The following SIPA1L3 variants were observed in gnomAD, a reference collection of about 807,000 sequenced individuals.
SIPA1L3 encodes the protein signal induced proliferation associated 1 like 3.
A neutral mutation model predicts 150.1 loss-of-function variants in SIPA1L3; 59 were observed. That is an observed-to-expected ratio of 0.39 (90% CI 0.32 to 0.49). The LOEUF is 0.49. Ranked by LOEUF, SIPA1L3 falls within the 20% of genes least tolerant of loss-of-function variation. The probability of loss-of-function intolerance (pLI) is 0.86; values close to 1 mark genes in which losing one functional copy is unlikely to be tolerated. For synonymous variants in SIPA1L3, 1,070 were observed against 1,077.6 expected, an observed-to-expected ratio of 0.99 and a Z score of 0.14; for missense variants, 2,211 against 2,489.5, an observed-to-expected ratio of 0.89 and a Z score of 2.38.
chr19:37,963,690 G>C (rs1327997193), intron 1 of SIPA1L3, among the ~76,000 whole-genome samples: 2 of 152,172 alleles, frequency 1.3e-5, no homozygotes, highest in Non-Finnish European at 2.9e-5. Flanking sequence ...TTGATTTCTA[G>C]AATCCTCAAA....
chr19:38,018,443 C>T (rs1968290630), intron 1 of SIPA1L3, among the ~76,000 whole-genome samples: 1 of 152,180 alleles, frequency 6.6e-6, no homozygotes, highest in Admixed American at 6.5e-5. Context: ...TGAGCCACCA[C>T]ACCCAGCCAC....
rs1010450199 is a variant in SIPA1L3, at chr19:38,135,034, G to A, written c.3143+4262G>A. 7.5e-4 allele frequency among the ~76,000 whole-genome samples: 114 copies of A among 152,292 alleles called. 3 individuals carry two copies. The highest frequency in any genetic ancestry group is 2.2e-3 in the African/African-American group (91 of 41,556). ...TCTCTGCTTTGTAGACGAGAAAACC[G>A]AGGCCCAGAGTGAACAAGTCACTTT... On this transcript the variant is annotated intron_variant, in intron 10 of 21. Coordinates refer to ENST00000222345, the MANE Select transcript of SIPA1L3 (RefSeq NM_015073.3).
At chr19:37,925,426 G>T (rs2046494562) in intron 1 of SIPA1L3, among the ~76,000 whole-genome samples, 1 of 152,048 alleles carries the variant, frequency 6.6e-6, no homozygotes, top group African/African-American at 2.4e-5. Flanking sequence ...GAGGTGAGGG[G>T]CCTGGTAAGA....
intron 1 of SIPA1L3, among the ~76,000 whole-genome samples, chr19:38,000,335 G>A (rs1292973581): frequency 6.6e-6 from 1 of 151,990 alleles, no homozygotes; most frequent in Non-Finnish European, 1.5e-5. Flanking sequence ...GGGCGTGGTG[G>A]TGGGTGCCTA....
At chr19:38,101,340 C>G (rs1439526568) in intron 6 of SIPA1L3, 114 bp downstream of exon 6, 1 of 682,392 alleles carries the variant, frequency 1.5e-6, no homozygotes, top group South Asian at 2.6e-5. Context: ...TGGGAGCTCT[C>G]AGACTTCACT....
chr19:37,938,617 C>CTTTTTTTT (rs2046622907), intron 1 of SIPA1L3, among the ~76,000 whole-genome samples: 1 of 144,790 alleles, frequency 6.9e-6, no homozygotes. Flanking sequence ...TTCTTTTTTT[C>CTTTTTTTT]TTTTTTCTTT....
intron 21 of SIPA1L3, among the ~76,000 whole-genome samples, chr19:38,205,844 C>A (rs975616515): frequency 6.6e-6 from 1 of 152,212 alleles, no homozygotes; most frequent in South Asian, 2.1e-4. Context: ...CATGTGGTTG[C>A]GTTCCGGGAG....
chr19:38,061,263 T>G (rs1373845138), intron 2 of SIPA1L3, among the ~76,000 whole-genome samples: 2 of 150,598 alleles, frequency 1.3e-5, no homozygotes, highest in African/African-American at 4.9e-5. Context: ...GGGGTCTCGC[T>G]ATGTTGCCTA....
chr19:38,112,046 A>G (rs12983710), intron 8 of SIPA1L3, among the ~76,000 whole-genome samples: 6 of 147,286 alleles, frequency 4.1e-5, no homozygotes, highest in East Asian at 4.0e-4. Context: ...CCATGCGTCC[A>G]CACATGCACA....
intron 8 of SIPA1L3, among the ~76,000 whole-genome samples, chr19:38,111,312 G>A (rs1000572842): frequency 1.3e-5 from 2 of 152,140 alleles, no homozygotes; most frequent in Non-Finnish European, 2.9e-5. Flanking sequence ...GATTGTAAGT[G>A]TGAGCCACCG....
chr19:38,115,448 A>G (rs1404439612), intron 8 of SIPA1L3, among the ~76,000 whole-genome samples: 1 of 152,224 alleles, frequency 6.6e-6, no homozygotes, highest in Non-Finnish European at 1.5e-5. Flanking sequence ...GAACGGCAGA[A>G]TGGATCAGAG....
chr19:38,144,677 G>T (rs1971668107), intron 12 of SIPA1L3, among the ~76,000 whole-genome samples: 1 of 152,236 alleles, frequency 6.6e-6, no homozygotes, highest in Admixed American at 6.5e-5. Flanking sequence ...ATTCAGCAAA[G>T]GGTCTCAAGA....
At chr19:38,125,884 C>T (rs1297810235) in intron 9 of SIPA1L3, among the ~76,000 whole-genome samples, 3 of 152,320 alleles carry the variant, frequency 2.0e-5, no homozygotes, top group South Asian at 2.1e-4. Flanking sequence ...ATATTAAACA[C>T]GCAATTCGGC....
intron 12 of SIPA1L3, among the ~76,000 whole-genome samples, chr19:38,144,346 A>C (rs1176433697): frequency 6.6e-6 from 1 of 152,246 alleles, no homozygotes; most frequent in African/African-American, 2.4e-5. Flanking sequence ...CACATGGCTG[A>C]TCTTTGGTAT....
intron 2 of SIPA1L3, among the ~76,000 whole-genome samples, chr19:38,063,179 C>T (rs1166930448): frequency 1.3e-5 from 2 of 152,174 alleles, no homozygotes; most frequent in South Asian, 2.1e-4. Context: ...ATGATTACTG[C>T]CAGCAGCTGG....
chr19:38,094,238 T>G (rs979065116), intron 4 of SIPA1L3, among the ~76,000 whole-genome samples: 1 of 152,082 alleles, frequency 6.6e-6, no homozygotes, highest in Non-Finnish European at 1.5e-5. Flanking sequence ...ACTGTGTGTG[T>G]GTCTGTGTGT....
At chr19:38,179,148 T>C (rs1392125783) in intron 15 of SIPA1L3, among the ~76,000 whole-genome samples, 1 of 152,210 alleles carries the variant, frequency 6.6e-6, no homozygotes, top group African/African-American at 2.4e-5. Context: ...AGTAAATAAA[T>C]ACAGTTTCAG....
At chr19:38,094,285 G>C (rs564540575) in intron 4 of SIPA1L3, among the ~76,000 whole-genome samples, 17 of 152,230 alleles carry the variant, frequency 1.1e-4, no homozygotes, top group African/African-American at 4.1e-4. Flanking sequence ...GTCTTACTCT[G>C]TCCCCTGGGC....
intron 9 of SIPA1L3, among the ~76,000 whole-genome samples, chr19:38,125,842 G>T (rs1971158725): frequency 6.6e-6 from 1 of 152,178 alleles, no homozygotes; most frequent in African/African-American, 2.4e-5. Flanking sequence ...ACAGACCCAG[G>T]CCTACTTTCA....
Sources: gnomAD v4.1 joint callset for allele counts (sites outside exome capture counted in the v4.1 genomes callset) on GRCh38, gnomAD v4.1.1 for gene constraint, MANE v1.5 for transcripts, NCBI Gene and HGNC (gene_info 2026-07-23, HGNC 2026-07-21) for gene names.